Variants in ABCC4 observed in about 807,000 individuals in gnomAD.
ABCC4 encodes ATP-binding cassette sub-family C member 4.
In ABCC4, 102 loss-of-function variants were observed where a neutral mutation model predicts 168.5. The ratio of observed to expected loss-of-function variants is 0.61; its 90% CI spans 0.52 to 0.71. ABCC4 has a LOEUF of 0.71. Ranked by LOEUF, ABCC4 falls within the 30% of genes least tolerant of loss-of-function variation. The pLI is 0.00. For synonymous variants in ABCC4, 617 were observed against 590.7 expected (o/e 1.04, Z -0.65); for missense variants, 1,402 against 1,605.8 (o/e 0.87, Z 2.17).
rs1431718995 is a variant in ABCC4, at chr13:95,186,818, G to C, written c.1428C>G (p.Ala476=). The change falls in exon 11 of 31, where the codon GCC becomes GCG. Residue 476 remains alanine, a synonymous_variant. Transcript: ENST00000645237. ...ACACCCAGGGCTGCTGAGACACATA[G>C]GCAATTCTTCCATGCACGCTGACCA... ...HGLVSVHGRI[A]YVSQQPWVFS... The C allele has an allele frequency of 6.2e-7, 1 of 1,614,044 alleles. No individual in the cohort carries two copies.
At chr13:95,259,181 G>A (rs2040465552) in intron 1 of ABCC4, among the ~76,000 whole-genome samples, 1 of 152,180 alleles carries the variant, frequency 6.6e-6, no homozygotes, top group Non-Finnish European at 1.5e-5. Context: ...GAGGTCAGGA[G>A]TTTGAGACCA....
intron 1 of ABCC4, among the ~76,000 whole-genome samples, chr13:95,292,202 A>G (rs1477169643): frequency 2.6e-5 from 4 of 152,094 alleles, no homozygotes; most frequent in African/African-American, 7.2e-5. Context: ...TACAAAAAAT[A>G]TAAAAAATTA....
intron 4 of ABCC4, among the ~76,000 whole-genome samples, chr13:95,231,621 C>T (rs1165123971): frequency 1.3e-5 from 2 of 152,182 alleles, no homozygotes; most frequent in Non-Finnish European, 2.9e-5. Flanking sequence ...TTCACCTGGG[C>T]ATGTTTCCAC....
intron 8 of ABCC4, among the ~76,000 whole-genome samples, chr13:95,198,545 C>T (rs111230226): frequency 0.21 from 31,685 of 152,022 alleles, 3,406 homozygotes; most frequent in Admixed American, 0.28. Context: ...TGAAAGACAA[C>T]GTGGCAATTC....
At position 95,188,547 on chromosome 13, in the gene ABCC4, A is replaced by C; in HGVS notation, c.1264-5T>G. 5 of 1,600,234 alleles carry C rather than the reference A, an allele frequency of 3.1e-6. No homozygotes were observed. Among genetic ancestry groups the C allele is most frequent in the Non-Finnish European group, 4.3e-6 (5 of 1,171,396 alleles). On this transcript the variant is annotated splice_polypyrimidine_tract_variant and splice_region_variant and intron_variant, in intron 9 of 30. Transcript: ENST00000645237. Reference sequence around the variant, plus strand: ...TAGAGTTGGGGTCTCTGATGCCTACAAATTAAAGTTTATAAAATGTGCCCA... The same window carrying C: ...TAGAGTTGGGGTCTCTGATGCCTACCAATTAAAGTTTATAAAATGTGCCCA...
intron 1 of ABCC4, among the ~76,000 whole-genome samples, chr13:95,296,002 C>T (rs116469619): frequency 5.3e-5 from 8 of 149,560 alleles, no homozygotes; most frequent in African/African-American, 9.8e-5. Flanking sequence ...GGTGTGGTGG[C>T]GTGCACCTGT....
intron 8 of ABCC4, among the ~76,000 whole-genome samples, chr13:95,204,017 C>T (rs1397899091): frequency 6.6e-6 from 1 of 152,150 alleles, no homozygotes; most frequent in Non-Finnish European, 1.5e-5. Context: ...TGAGCTGCAC[C>T]GTACTGGCCT....
At chr13:95,125,203 A>G (rs1177379474) in intron 19 of ABCC4, among the ~76,000 whole-genome samples, 3 of 152,224 alleles carry the variant, frequency 2.0e-5, no homozygotes, top group Non-Finnish European at 2.9e-5. Flanking sequence ...AGGTGTGCTC[A>G]TGTCAACACC....
intron 20 of ABCC4, among the ~76,000 whole-genome samples, chr13:95,093,925 C>G (rs1045497552): frequency 2.0e-5 from 3 of 151,964 alleles, no homozygotes; most frequent in African/African-American, 7.3e-5. Context: ...TTTACAATAG[C>G]TGCAAAAATT....
chr13:95,194,607 G>C lies in ABCC4; in HGVS notation c.1263+229C>G, dbSNP rs553113500. Among the ~76,000 whole-genome samples the C allele has an allele frequency of 2.6e-5, 4 of 152,214 alleles. No individual in the cohort carries two copies. In the East Asian group the frequency reaches 7.7e-4, roughly 29 times the overall value. On this transcript the variant is annotated intron_variant, in intron 9 of 30. Coordinates refer to ENST00000645237, the MANE Select transcript of ABCC4 (RefSeq NM_005845.5). ...TTAGAACGAGGTAACACTTTCCTTG[G>C]TTTTTTGAAAATGAGATAAAATACA...
chr13:95,043,733 C>G lies in ABCC4; in HGVS notation c.3684G>C (p.Val1228=). 6.2e-7 allele frequency: 1 copy of G among 1,613,944 alleles called. No individual in the cohort carries two copies. The highest frequency in any genetic ancestry group is 8.5e-7 in the Non-Finnish European group (1 of 1,179,948). The change falls in exon 29 of 31, where the codon GTG becomes GTC. Residue 1228 remains valine, a synonymous_variant. Transcript: ENST00000645237. Reference sequence around the variant, plus strand: ...TGTTCAATCTGTGTGCAATGGTTAGCACGGTGCAGTGGGCAAATTTCTCCC... The same window carrying G: ...TGTTCAATCTGTGTGCAATGGTTAGGACGGTGCAGTGGGCAAATTTCTCCC... ...KIREKFAHCT[V]LTIAHRLNTI...
At chr13:95,189,124 CTTTTTTTT>C (rs61449462) in intron 9 of ABCC4, among the ~76,000 whole-genome samples, 3 of 67,268 alleles carry the variant, frequency 4.5e-5, no homozygotes, top group African/African-American at 7.3e-5. Flanking sequence ...AAACAATATT[CTTTTTTTT>C]TTTTTTTTTT....
chr13:95,207,771 A>C, intron 7 of ABCC4, 29 bp downstream of exon 7: 1 of 1,590,804 alleles, frequency 6.3e-7, no homozygotes, highest in Non-Finnish European at 8.5e-7. Flanking sequence ...AAAATACAAA[A>C]ATATGGTACA....
At chr13:95,180,726 T>C (rs1289742328) in intron 11 of ABCC4, among the ~76,000 whole-genome samples, 1 of 152,214 alleles carries the variant, frequency 6.6e-6, no homozygotes, top group Non-Finnish European at 1.5e-5. Flanking sequence ...TAAGTTTCTG[T>C]GCCTTGATTT....
chr13:95,278,027 G>A (rs1477327989), intron 1 of ABCC4, among the ~76,000 whole-genome samples: 3 of 152,166 alleles, frequency 2.0e-5, no homozygotes, highest in Non-Finnish European at 4.4e-5. Flanking sequence ...CACTGGAGAA[G>A]GCAAGTCTGA....
intron 19 of ABCC4, among the ~76,000 whole-genome samples, chr13:95,119,198 C>T (rs547988537): frequency 1.6e-4 from 25 of 152,324 alleles, no homozygotes; most frequent in South Asian, 2.1e-4. Context: ...TGTAAATCCA[C>T]ATCACTCCAA....
chr13:95,205,169 T>C (rs973677280), intron 8 of ABCC4, among the ~76,000 whole-genome samples: 2 of 152,224 alleles, frequency 1.3e-5, no homozygotes, highest in African/African-American at 4.8e-5. Flanking sequence ...GTCTGTTTTA[T>C]AGGTAATATT....
chr13:95,251,654 A>G (rs544177094), intron 1 of ABCC4, among the ~76,000 whole-genome samples: 33 of 152,322 alleles, frequency 2.2e-4, no homozygotes, highest in Admixed American at 4.6e-4. Context: ...CACGGGATCC[A>G]GGAGGTAAGC....
chr13:95,102,248 G>C (rs1454085358), intron 20 of ABCC4, among the ~76,000 whole-genome samples: 1 of 152,126 alleles, frequency 6.6e-6, no homozygotes, highest in Non-Finnish European at 1.5e-5. Flanking sequence ...GGGCTCAAGT[G>C]ATCTTCCGGA....
Sources: gnomAD v4.1 joint callset for allele counts (sites outside exome capture counted in the v4.1 genomes callset) on GRCh38, gnomAD v4.1.1 for gene constraint, MANE v1.5 for transcripts, NCBI Gene and HGNC (gene_info 2026-07-23, HGNC 2026-07-21) for gene names.